The following RERE variants were observed in gnomAD, a reference collection of about 807,000 sequenced individuals.
RERE encodes the protein arginine-glutamic acid dipeptide repeats protein.
RERE carries 40 observed loss-of-function variants against 146.1 expected under a neutral mutation model. The ratio of observed to expected loss-of-function variants is 0.27; its 90% CI spans 0.21 to 0.36. The LOEUF is 0.36. Among genes scored for constraint, RERE ranks in the 10% least tolerant of loss-of-function variants. The probability of loss-of-function intolerance (pLI) is 1.00; values close to 1 mark genes in which losing one functional copy is unlikely to be tolerated. For missense variants in RERE, 1,933 were observed against 2,138.7 expected, an observed-to-expected ratio of 0.90 and a Z score of 1.90; for synonymous variants, 1,003 against 866.0, an observed-to-expected ratio of 1.16 and a Z score of -2.78.
intron 3 of RERE, among the ~76,000 whole-genome samples, chr1:8,619,510 T>C (rs1180360499): frequency 6.6e-6 from 1 of 152,258 alleles, no homozygotes; most frequent in Non-Finnish European, 1.5e-5. Flanking sequence ...TTTCCTCTAC[T>C]GTATGAATGA....
chr1:8,554,728 G>A (rs994617208), intron 6 of RERE, among the ~76,000 whole-genome samples: 4 of 148,854 alleles, frequency 2.7e-5, no homozygotes, highest in Non-Finnish European at 4.4e-5. Flanking sequence ...TTAAGTCATC[G>A]GTCCCAGCTA....
rs955177037 is a variant in RERE, at chr1:8,352,659, A to G, written c.*2428T>C. ...CACCGAACAAGATACGGACACACACAGAGGAGCCAAACCAAACCCCGAACA... is the reference window on the plus strand; with the variant it reads ...CACCGAACAAGATACGGACACACACGGAGGAGCCAAACCAAACCCCGAACA... On this transcript the variant is annotated 3_prime_UTR_variant, in exon 23 of 23. Coordinates refer to ENST00000400908, the MANE Select transcript of RERE (RefSeq NM_001042681.2). The G allele has an allele frequency of 2.0e-5, 3 of 152,376 alleles. No homozygotes were observed. The highest frequency in any genetic ancestry group is 4.4e-5 in the Non-Finnish European group (3 of 68,050). 9.4% of individuals were successfully genotyped at this position (152,376 alleles called of 1,614,324 possible). A position where few individuals can be genotyped will look rare whatever the true frequency, so the allele number is the denominator to read the frequency against.
At chr1:8,569,227 T>A (rs1484913359) in intron 4 of RERE, among the ~76,000 whole-genome samples, 2 of 150,978 alleles carry the variant, frequency 1.3e-5, no homozygotes, top group African/African-American at 4.9e-5. Context: ...CTACTAAAGC[T>A]TTAAACAGTC....
At chr1:8,757,365 T>C (rs1462873308) in intron 1 of RERE, among the ~76,000 whole-genome samples, 1 of 152,202 alleles carries the variant, frequency 6.6e-6, no homozygotes, top group African/African-American at 2.4e-5. Flanking sequence ...AGAAATACCC[T>C]GGAAATCCTC....
intron 4 of RERE, among the ~76,000 whole-genome samples, chr1:8,559,300 A>AAAAAAAAAAC (rs1646048085): frequency 6.9e-6 from 1 of 145,870 alleles, no homozygotes; most frequent in African/African-American, 2.5e-5. Flanking sequence ...AAAAAAAAAA[A>AAAAAAAAAAC]AAAACAGAAC....
At chr1:8,488,267 C>G (rs1374186299) in intron 10 of RERE, among the ~76,000 whole-genome samples, 2 of 151,940 alleles carry the variant, frequency 1.3e-5, no homozygotes, top group Non-Finnish European at 2.9e-5. Flanking sequence ...TTTTTTGAGA[C>G]AGAGTTTCAC....
chr1:8,797,551 C>A (rs554328603), intron 1 of RERE, among the ~76,000 whole-genome samples: 11 of 152,300 alleles, frequency 7.2e-5, no homozygotes, highest in Admixed American at 1.3e-4. Context: ...AGTTGAATCA[C>A]CCACCTAAAA....
intron 1 of RERE, among the ~76,000 whole-genome samples, chr1:8,722,126 C>G (rs1639876255): frequency 6.6e-6 from 1 of 152,114 alleles, no homozygotes; most frequent in South Asian, 2.1e-4. Flanking sequence ...AAGGTATTGC[C>G]CAATTCTAGA....
At chr1:8,552,453 A>T (rs1215296877) in intron 6 of RERE, among the ~76,000 whole-genome samples, 2 of 151,940 alleles carry the variant, frequency 1.3e-5, no homozygotes, top group African/African-American at 2.4e-5. Context: ...TTTTCATTAC[A>T]TTTGTTTGAT....
intron 4 of RERE, among the ~76,000 whole-genome samples, chr1:8,605,845 C>CTTTT (rs60346942): frequency 0.4 from 36,815 of 92,462 alleles, 11,391 homozygotes; most frequent in African/African-American, 0.51. Flanking sequence ...AAATACCAAA[C>CTTTT]TTTTTTTTTT....
rs538021129 is a variant in RERE at position 8,506,800 on chromosome 1, T to A, written c.879+1827A>T. 1.1e-3 allele frequency among the ~76,000 whole-genome samples: 160 copies of A among 152,372 alleles called. 1 individual carries two copies. Among genetic ancestry groups the A allele is most frequent in the Non-Finnish European group, 1.9e-3 (130 of 68,040 alleles). ...TCTTCCTCTCAACACTTGCTAAATT[T>A]CATTCATTGTAAGATCCACTGTTAT... On this transcript the variant is annotated intron_variant, in intron 8 of 22. Coordinates refer to ENST00000400908, the MANE Select transcript of RERE (RefSeq NM_001042681.2).
chr1:8,477,795 G>A (rs988464843), intron 10 of RERE, among the ~76,000 whole-genome samples: 2 of 152,302 alleles, frequency 1.3e-5, no homozygotes, highest in South Asian at 2.1e-4. Flanking sequence ...TTTGTGATGA[G>A]TGATTCTAAG....
At chr1:8,502,852 T>C (rs946695563) in intron 8 of RERE, among the ~76,000 whole-genome samples, 67 of 149,274 alleles carry the variant, frequency 4.5e-4, no homozygotes, top group African/African-American at 1.6e-3. Flanking sequence ...TTAAGGGCGG[T>C]GCAAGATGTG....
intron 1 of RERE, among the ~76,000 whole-genome samples, chr1:8,692,344 C>CTTTT (rs55723477): frequency 3.4e-5 from 5 of 147,592 alleles, no homozygotes; most frequent in African/African-American, 2.5e-5. Context: ...CTCCCATATA[C>CTTTT]TTTTTTTTTT....
At chr1:8,795,531 T>C (rs556395151) in intron 1 of RERE, among the ~76,000 whole-genome samples, 4 of 152,300 alleles carry the variant, frequency 2.6e-5, no homozygotes, top group African/African-American at 9.6e-5. Context: ...TGTCCCTATT[T>C]GACAGCTAAG....
At chr1:8,706,113 CAAAAAAAAA>C (rs61016240) in intron 1 of RERE, among the ~76,000 whole-genome samples, 4 of 69,190 alleles carry the variant, frequency 5.8e-5, no homozygotes, top group African/African-American at 1.8e-4. Flanking sequence ...ACTCCGTCTC[CAAAAAAAAA>C]AAAAAAAAAA....
rs1448152035 is a variant in RERE at position 8,389,394 on chromosome 1, T to G, written c.1285-23420A>C. Among the ~76,000 whole-genome samples, 3 of 152,224 alleles carry G rather than the reference T, an allele frequency of 2.0e-5. No homozygotes were observed. In the South Asian group the frequency reaches 6.2e-4, roughly 32 times the overall value. ...GGCGTGTGACGTCAACGCCTTGTTC[T>G]TTATTCACGGCCATTTCAGAAACCT... On this transcript the variant is annotated intron_variant, in intron 12 of 22. Transcript: ENST00000400908.
rs540099946 is a variant in RERE at position 8,469,622 on chromosome 1, C to CA, written c.1105-3600dup. On this transcript the variant is annotated intron_variant, in intron 10 of 22. Coordinates refer to ENST00000400908, the MANE Select transcript of RERE (RefSeq NM_001042681.2). ...TGAGAGACAGAGTGAGACCCCGTCT[C>CA]AAAAAAATAATAATAGTAATAAGAA... Among the ~76,000 whole-genome samples the CA allele has an allele frequency of 4.2e-3, 634 of 151,934 alleles. 11 individuals carry two copies. Among genetic ancestry groups the CA allele is most frequent in the African/African-American group, 0.015 (605 of 41,420 alleles).
rs372823342 is a variant in RERE, at chr1:8,672,084, G to A, written c.-144-15643C>T. On this transcript the variant is annotated intron_variant, in intron 1 of 22. Transcript: ENST00000400908. ...TACAGGCCAGGAGTTTGAGACCAGC[G>A]TGGGCAACATAGCAAGCTCCCATAT... Among the ~76,000 whole-genome samples, 139 of 152,122 alleles carry A rather than the reference G, an allele frequency of 9.1e-4. 4 individuals carry two copies. In the South Asian group the frequency reaches 0.026, roughly 28 times the overall value.
Sources: allele counts gnomAD v4.1 joint callset (sites outside exome capture counted in the v4.1 genomes callset), GRCh38; gene constraint gnomAD v4.1.1; transcripts MANE v1.5; gene names NCBI Gene and HGNC (gene_info 2026-07-23, HGNC 2026-07-21).